Variants in ADAMTS8 observed in about 807,000 individuals in gnomAD.
The protein encoded by ADAMTS8 is A disintegrin and metalloproteinase with thrombospondin motifs 8.
A neutral mutation model predicts 64.4 loss-of-function variants in ADAMTS8; 50 were observed. The ratio of observed to expected loss-of-function variants is 0.78; its 90% CI spans 0.62 to 0.98. The LOEUF (loss-of-function observed/expected upper bound fraction) is 0.98. Among genes scored for constraint, ADAMTS8 ranks in the 50% least tolerant of loss-of-function variants. ADAMTS8 has a pLI of 0.00. For missense variants in ADAMTS8, 1,192 were observed against 1,208.2 expected (o/e 0.99, Z 0.20); for synonymous variants, 556 against 533.6 (o/e 1.04, Z -0.58).
intron 5 of ADAMTS8, among the ~76,000 whole-genome samples, chr11:130,414,051 GGTTT>G (rs943544936): frequency 3.3e-5 from 4 of 122,118 alleles, no homozygotes; most frequent in African/African-American, 5.3e-5. Flanking sequence ...AATATGCTTT[GGTTT>G]GTTTGTTAAA....
chr11:130,410,112 A>G (rs1166205535), intron 6 of ADAMTS8, among the ~76,000 whole-genome samples: 1 of 152,088 alleles, frequency 6.6e-6, no homozygotes, highest in Admixed American at 6.6e-5. Context: ...CACCTCACCC[A>G]TCTCAGTCCT....
chr11:130,406,093 C>T lies in ADAMTS8; in HGVS notation c.2135G>A (p.Gly712Asp), dbSNP rs1453465183. ...GYNDIVTIPA[G>D]ATNIDVKQRS... The stretch of plus-strand genomic sequence containing the variant: ...CTGCTTCACGTCAATATTAGTGGCA[C>T]CAGCTGGGATGGTGACAATGTCATT... Residue 712 changes from glycine to aspartate, a missense_variant, in exon 9 of 9, where the codon GGT (glycine) becomes GAT (aspartate). Gly to Asp is a moderately conservative substitution (Grantham distance 94). This residue lies in a region of ADAMTS8 where 290 missense variants were observed against 297.8 expected (regional missense o/e 0.97). Transcript: ENST00000257359. 1.2e-6 allele frequency: 2 copies of T among 1,612,196 alleles called. No individual in the cohort carries two copies. The highest frequency in any genetic ancestry group is 1.7e-6 in the Non-Finnish European group (2 of 1,179,870).
At chr11:130,415,623 T>TTA in intron 4 of ADAMTS8, among the ~76,000 whole-genome samples, 1 of 145,788 alleles carries the variant, frequency 6.9e-6, no homozygotes, top group South Asian at 2.2e-4. Flanking sequence ...TTTTTTTTTT[T>TTA]AAAGAGATAG....
intron 2 of ADAMTS8, 69 bp downstream of exon 2, chr11:130,418,984 G>T: frequency 1.3e-6 from 2 of 1,599,660 alleles, no homozygotes; most frequent in Non-Finnish European, 8.5e-7. Flanking sequence ...GGCAGGCCTC[G>T]TGGTCCTCCC....
chr11:130,427,722 C>T lies in ADAMTS8; in HGVS notation c.565G>A (p.Glu189Lys), dbSNP rs1179012043. The T allele has an allele frequency of 6.9e-6, 11 of 1,595,504 alleles. No individual in the cohort carries two copies. Among genetic ancestry groups the T allele is most frequent in the African/African-American group, 1.3e-5 (1 of 74,406 alleles). Residue 189 changes from glutamate (E) to lysine (K), a missense_variant, in exon 1 of 9, where the codon GAG (glutamate) becomes AAG (lysine). By Grantham distance (56) the Glu-to-Lys change is moderately conservative. Transcript: ENST00000257359. ...RGDHQEDSEE[E>K]SQEEEAEGAS... ...CCTTCTGCCTCCTCTTCTTGGCTCT[C>T]CTCCTCGCTGTCCTCCTGGTGGTCT...
Position 130,416,111 on chromosome 11 carries a change from C to T in ADAMTS8, c.1264+52G>A, listed in dbSNP as rs1043439054. 3.3e-6 allele frequency: 5 copies of T among 1,503,024 alleles called. No homozygotes were observed. Among genetic ancestry groups the T allele is most frequent in the Non-Finnish European group, 3.6e-6 (4 of 1,123,256 alleles). 93.1% of individuals were successfully genotyped at this position (1,503,024 alleles called of 1,614,324 possible). A position where few individuals can be genotyped will look rare whatever the true frequency, so the allele number is the denominator to read the frequency against. The stretch of plus-strand genomic sequence containing the variant: ...GCTGGAGGGGGTCTCTGCGCCAGCA[C>T]CAGTGGAAGGAGGCCCACGGGGACA... On this transcript the variant is annotated intron_variant, in intron 4 of 8. Coordinates refer to ENST00000257359, the MANE Select transcript of ADAMTS8 (RefSeq NM_007037.6). This position sits in a 1 kb window ranked among gnomAD's most constrained non-coding sequence, Gnocchi z 4.8.
At position 130,428,269 on chromosome 11, in the gene ADAMTS8, G is replaced by T; in HGVS notation, c.18C>A (p.Ala6=). 1 of 1,208,002 alleles carries T rather than the reference G, an allele frequency of 8.3e-7. No individual in the cohort carries two copies. The highest frequency in any genetic ancestry group is 1.0e-6 in the Non-Finnish European group (1 of 976,024). 74.8% of individuals were successfully genotyped at this position (1,208,002 alleles called of 1,614,324 possible). The change falls in exon 1 of 9, where the codon GCC becomes GCA. Residue 6 remains alanine (A), a synonymous_variant. Transcript: ENST00000257359. ...GCAGGAGCGGAGGCCACCGGGGGGC[G>T]GCGGGGGCGGGGAGCATGGGGGCTG... MLPAP[A]APRWPPLLLL...
chr11:130,409,010 C>G, intron 6 of ADAMTS8, 70 bp from the exon 7 acceptor site: 5 of 1,487,684 alleles, frequency 3.4e-6, no homozygotes, highest in Non-Finnish European at 4.5e-6. Context: ...GGAGAAATCC[C>G]GAATTTACAG....
At chr11:130,424,789 A>G (rs1862142305) in intron 1 of ADAMTS8, among the ~76,000 whole-genome samples, 1 of 152,154 alleles carries the variant, frequency 6.6e-6, no homozygotes, top group African/African-American at 2.4e-5. Flanking sequence ...TGGTCAGCTC[A>G]TCATAGCACA....
At position 130,427,929 on chromosome 11, in the gene ADAMTS8, G is replaced by C. The variant is rs1165330196; in HGVS notation, c.358C>G (p.Arg120Gly). The C allele has an allele frequency of 9.1e-6, 14 of 1,532,764 alleles. No homozygotes were observed. In the East Asian group the frequency reaches 1.5e-4, roughly 16 times the overall value. The allele number at this position is 1,532,764 out of a possible 1,614,324, so 94.9% of individuals were successfully genotyped here. The change falls in exon 1 of 9, where the codon CGC (arginine) becomes GGC (glycine). Residue 120 changes from arginine to glycine, a missense_variant. Arg to Gly is a moderately radical substitution (Grantham distance 125). Around this residue, in one of 5 missense-constraint regions of ADAMTS8, gnomAD observed 741 missense variants for 710.6 expected, o/e 1.04. Coordinates refer to ENST00000257359, the MANE Select transcript of ADAMTS8 (RefSeq NM_007037.6). ...PESLAAVSLCRGLSGSFLLDG... is the reference protein window; with the variant it reads ...PESLAAVSLCGGLSGSFLLDG... ...AGCAGGAAGGAGCCGCTCAGCCCGC[G>C]GCACAGGCTGACCGCCGCCAGCGAC...
chr11:130,427,933 C>G lies in ADAMTS8; in HGVS notation c.354G>C (p.Leu118=). ...GGAAGGAGCCGCTCAGCCCGCGGCA[C>G]AGGCTGACCGCCGCCAGCGACTCGG... ...GEPESLAAVS[L]CRGLSGSFLL... Residue 118 remains leucine, a synonymous_variant, in exon 1 of 9, where the codon CTG becomes CTC. Coordinates refer to ENST00000257359, the MANE Select transcript of ADAMTS8 (RefSeq NM_007037.6). 1.3e-6 allele frequency: 2 copies of G among 1,532,698 alleles called. No individual in the cohort carries two copies. The highest frequency in any genetic ancestry group is 1.7e-6 in the Non-Finnish European group (2 of 1,145,960). 94.9% of individuals were successfully genotyped at this position (1,532,698 alleles called of 1,614,324 possible). A position where few individuals can be genotyped will look rare whatever the true frequency, so the allele number is the denominator to read the frequency against.
chr11:130,414,577 C>G lies in ADAMTS8; in HGVS notation c.1520G>C (p.Cys507Ser). 2 of 1,611,756 alleles carry G rather than the reference C, an allele frequency of 1.2e-6. No homozygotes were observed. The highest frequency in any genetic ancestry group is 1.7e-6 in the Non-Finnish European group (2 of 1,178,820). The change falls in exon 5 of 9, where the codon TGC (cysteine) becomes TCC (serine). Residue 507 changes from cysteine (C) to serine (S), a missense_variant. Transcript: ENST00000257359. ...CTCAGGTAGACAGCTGCCTTCTGAGCAGAGGTGCCCAGGCCCGCACGGCGT... is the reference window on the plus strand; with the variant it reads ...CTCAGGTAGACAGCTGCCTTCTGAGGAGAGGTGCCCAGGCCCGCACGGCGT... The part of the protein sequence containing the change: ...DGTPCGPGHL[C>S]SEGSCLPEEE...
Position 130,411,638 on chromosome 11 carries a change from G to C in ADAMTS8, c.1567-38C>G. On this transcript the variant is annotated intron_variant, in intron 5 of 8. Transcript: ENST00000257359. The surrounding 1 kb of genome is among the most constrained non-coding windows in gnomAD (Gnocchi z 4.2). The stretch of plus-strand genomic sequence containing the variant: ...ATGGCACACTGAATGAGGAGCAAAG[G>C]CCAGGAGGCTTCAGTATCTGTGTCA... The C allele has an allele frequency of 6.2e-7, 1 of 1,605,398 alleles. No homozygotes were observed. The highest frequency in any genetic ancestry group is 8.5e-7 in the Non-Finnish European group (1 of 1,173,926).
chr11:130,414,619 A>T lies in ADAMTS8; in HGVS notation c.1478T>A (p.Leu493Gln). The change falls in exon 5 of 9, where the codon CTG (leucine) becomes CAG (glutamine). Residue 493 changes from leucine (L) to glutamine (Q), a missense_variant. Leu to Gln is a moderately radical substitution (Grantham distance 113, BLOSUM62 -2). Around this residue, in one of 5 missense-constraint regions of ADAMTS8, gnomAD observed 741 missense variants for 710.6 expected, o/e 1.04. Coordinates refer to ENST00000257359, the MANE Select transcript of ADAMTS8 (RefSeq NM_007037.6). ...GCACGGCGTGCCGTCAGCCCAGGGC[A>T]GGCTGCCATTCTTCGTGTGGCACAG... ...EPLCHTKNGS[L>Q]PWADGTPCGP... The T allele has an allele frequency of 6.2e-7, 1 of 1,613,486 alleles. No homozygotes were observed. The highest frequency in any genetic ancestry group is 8.5e-7 in the Non-Finnish European group (1 of 1,180,018).
Position 130,414,514 on chromosome 11 carries a change from C to T in ADAMTS8, c.1566+17G>A. The T allele has an allele frequency of 1.3e-6, 2 of 1,574,666 alleles. No individual in the cohort carries two copies. The highest frequency in any genetic ancestry group is 1.7e-6 in the Non-Finnish European group (2 of 1,157,856). ...TCTCCTTTCCCCTCCCCGCTATCCT[C>T]AGGGGCTGTCCCTCACCTTGGGCCT... is the stretch of plus-strand genomic sequence containing the variant. On this transcript the variant is annotated intron_variant, in intron 5 of 8. Coordinates refer to ENST00000257359, the MANE Select transcript of ADAMTS8 (RefSeq NM_007037.6).
chr11:130,420,987 C>T (rs1040636155), intron 1 of ADAMTS8, among the ~76,000 whole-genome samples: 1 of 152,116 alleles, frequency 6.6e-6, no homozygotes, highest in Non-Finnish European at 1.5e-5. Flanking sequence ...GGGCCAGGGA[C>T]CAACCCCTGG....
At chr11:130,423,017 A>G (rs1592134687) in intron 1 of ADAMTS8, among the ~76,000 whole-genome samples, 1 of 152,352 alleles carries the variant, frequency 6.6e-6, no homozygotes, top group Middle Eastern at 3.4e-3. Context: ...ACCTGAAATA[A>G]TCGAGGTACA....
rs977926930 is a variant in ADAMTS8 at position 130,411,318 on chromosome 11, C to T, written c.1750+99G>A. ...CCCCTCTGGGAGTAACTCTATATCC[C>T]GGGACACCCACTTCACTCCCACTTT... On this transcript the variant is annotated intron_variant, in intron 6 of 8. Transcript: ENST00000257359. This position sits in a 1 kb window ranked among gnomAD's most constrained non-coding sequence, Gnocchi z 4.2. 57 of 1,447,666 alleles carry T rather than the reference C, an allele frequency of 3.9e-5. 1 individual carries two copies. In the Middle Eastern group the frequency reaches 5.4e-4, roughly 14 times the overall value. 89.7% of individuals were successfully genotyped at this position (1,447,666 alleles called of 1,614,324 possible).
In ADAMTS8 at chr11:130,405,071, C is replaced by T; in HGVS notation, c.*487G>A. On this transcript the variant is annotated 3_prime_UTR_variant, in exon 9 of 9. Coordinates refer to ENST00000257359, the MANE Select transcript of ADAMTS8 (RefSeq NM_007037.6). ...AGGTGATGGATTTTAACACTGAAGA[C>T]AGTCGTGGTCATTCTTGAAGACAGC... 6 of 988,208 alleles carry T rather than the reference C, an allele frequency of 6.1e-6. No individual in the cohort carries two copies. The highest frequency in any genetic ancestry group is 7.2e-6 in the Non-Finnish European group (6 of 831,710). The allele number at this position is 988,208 out of a possible 1,614,324, so 61.2% of individuals were successfully genotyped here.
Sources: allele counts gnomAD v4.1 joint callset (sites outside exome capture counted in the v4.1 genomes callset), GRCh38; gene constraint gnomAD v4.1.1; regional missense constraint gnomAD v4.1.1; non-coding constraint Gnocchi (gnomAD v3.1); transcripts MANE v1.5; gene names NCBI Gene and HGNC (gene_info 2026-07-23, HGNC 2026-07-21).